The following CD247 variants were observed in gnomAD, a reference collection of about 807,000 sequenced individuals.
CD247 encodes CD247 molecule.
Under a neutral mutation model 30.0 loss-of-function variants are expected in CD247, and 13 were observed. The ratio of observed to expected loss-of-function variants is 0.43; its 90% CI spans 0.28 to 0.69. The LOEUF is 0.69. Ranked by LOEUF, CD247 falls within the 30% of genes least tolerant of loss-of-function variation. CD247 has a pLI of 0.16. For missense variants in CD247, 193 were observed against 212.6 expected, an observed-to-expected ratio of 0.91 and a Z score of 0.57; for synonymous variants, 72 against 80.0, an observed-to-expected ratio of 0.90 and a Z score of 0.53.
intron 1 of CD247, among the ~76,000 whole-genome samples, chr1:167,468,235 GTCC>G (rs1443985700): frequency 2.6e-5 from 4 of 151,974 alleles, no homozygotes; most frequent in African/African-American, 9.7e-5. Context: ...TGTAATAGCT[GTCC>G]TCCTCCCCCA....
chr1:167,484,687 G>C (rs769078620), intron 1 of CD247, among the ~76,000 whole-genome samples: 19 of 152,240 alleles, frequency 1.2e-4, no homozygotes, highest in Non-Finnish European at 2.6e-4. Flanking sequence ...TGAGGTAGGA[G>C]AATCACTTGA....
Position 167,439,335 on chromosome 1 carries a change from C to T in CD247, c.219+9G>A, listed in dbSNP as rs1444139145. ...CCTTTCCGGAGGGTCTACGGCGAGG[C>T]TGACTTACGTTATAGAGCTGGTTCT... is the stretch of plus-strand genomic sequence containing the variant. On this transcript the variant is annotated intron_variant, in intron 3 of 7. Transcript: ENST00000362089. The T allele has an allele frequency of 3.7e-6, 6 of 1,613,542 alleles. No homozygotes were observed. The highest frequency in any genetic ancestry group is 5.1e-6 in the Non-Finnish European group (6 of 1,179,542).
intron 1 of CD247, among the ~76,000 whole-genome samples, chr1:167,450,753 A>T (rs1311200742): frequency 6.6e-6 from 1 of 151,768 alleles, no homozygotes; most frequent in Non-Finnish European, 1.5e-5. Context: ...TCTCTACTAA[A>T]AATACAAAAA....
chr1:167,469,623 A>G (rs1339923402), intron 1 of CD247, among the ~76,000 whole-genome samples: 1 of 151,016 alleles, frequency 6.6e-6, no homozygotes, highest in African/African-American at 2.4e-5. Context: ...TCCCCTCCTC[A>G]CCCCTTTTTT....
At chr1:167,440,568 C>T in intron 2 of CD247, 96 bp downstream of exon 2, 1 of 799,268 alleles carries the variant, frequency 1.3e-6, no homozygotes. Flanking sequence ...GCCCCAGGCA[C>T]CACCCGAGCT....
intron 1 of CD247, among the ~76,000 whole-genome samples, chr1:167,445,767 A>C (rs1239826267): frequency 1.3e-5 from 2 of 152,302 alleles, no homozygotes; most frequent in East Asian, 3.9e-4. Context: ...TGGTCCTGCC[A>C]TACCCTGAGG....
Position 167,437,068 on chromosome 1 carries a change from C to T in CD247, c.300+1502G>A, listed in dbSNP as rs147984539. 2.6e-3 allele frequency among the ~76,000 whole-genome samples: 389 copies of T among 152,180 alleles called. 2 individuals are homozygous for T. The highest frequency in any genetic ancestry group is 4.5e-3 in the Non-Finnish European group (304 of 67,998). On this transcript the variant is annotated intron_variant, in intron 4 of 7. Transcript: ENST00000362089. ...ACTATTAACAATAACCACGGCTGGG[C>T]GCGGGGGCTTACACCTGTGATTCCA...
At chr1:167,434,799 A>C (rs1651449064) in intron 5 of CD247, 1 of 455,994 alleles carries the variant, frequency 2.2e-6, no homozygotes, top group African/African-American at 2.0e-5. Flanking sequence ...ACTTTCTAGA[A>C]GCAGGTGCTG....
chr1:167,496,369 G>A (rs1379696232), intron 1 of CD247, among the ~76,000 whole-genome samples: 1 of 152,178 alleles, frequency 6.6e-6, no homozygotes, highest in Non-Finnish European at 1.5e-5. Context: ...ATGTCTGACT[G>A]CTGCAACAGC....
intron 1 of CD247, among the ~76,000 whole-genome samples, chr1:167,517,182 G>A (rs1051838173): frequency 1.3e-5 from 2 of 152,204 alleles, no homozygotes; most frequent in Admixed American, 1.3e-4. Context: ...TGAGAAAACA[G>A]CTGTGACCTG....
intron 1 of CD247, among the ~76,000 whole-genome samples, chr1:167,497,696 G>T (rs1396993084): frequency 6.6e-6 from 1 of 152,200 alleles, no homozygotes; most frequent in South Asian, 2.1e-4. Flanking sequence ...CTGGGTTACA[G>T]AGCTAGAACC....
At chr1:167,482,883 AG>A (rs1454860699) in intron 1 of CD247, among the ~76,000 whole-genome samples, 1 of 151,844 alleles carries the variant, frequency 6.6e-6, no homozygotes, top group Admixed American at 6.6e-5. Context: ...AAATGTGGGG[AG>A]GGGGAAGGTC....
At chr1:167,497,518 C>A (rs1458168333) in intron 1 of CD247, among the ~76,000 whole-genome samples, 1 of 152,132 alleles carries the variant, frequency 6.6e-6, no homozygotes, top group Non-Finnish European at 1.5e-5. Flanking sequence ...GCAGGGGAGG[C>A]TTTCTTAGTG....
chr1:167,448,236 A>G, intron 1 of CD247: 2 of 400,092 alleles, frequency 5.0e-6, no homozygotes, highest in Non-Finnish European at 6.8e-6. Context: ...CAGCTAGGGA[A>G]ACTGAGGCTC....
chr1:167,455,459 G>C (rs576167528), intron 1 of CD247, among the ~76,000 whole-genome samples: 1 of 152,300 alleles, frequency 6.6e-6, no homozygotes, highest in Non-Finnish European at 1.5e-5. Flanking sequence ...GCCTGGGAAG[G>C]AACCTCCGGC....
intron 1 of CD247, among the ~76,000 whole-genome samples, chr1:167,471,022 T>A (rs1653500808): frequency 6.6e-6 from 1 of 151,860 alleles, no homozygotes; most frequent in South Asian, 2.1e-4. Flanking sequence ...CAGGCGCCCA[T>A]CACCACGCCC....
chr1:167,439,754 G>T, intron 2 of CD247: 1 of 319,910 alleles, frequency 3.1e-6, no homozygotes, highest in Middle Eastern at 1.0e-3. Flanking sequence ...TTCCTCCGGG[G>T]ACTCTGAGGA....
At chr1:167,459,684 C>A (rs1168506670) in intron 1 of CD247, 1 of 152,078 alleles carries the variant, frequency 6.6e-6, no homozygotes, top group African/African-American at 2.4e-5. Context: ...AACAACTGGA[C>A]TCGCTTTAAA....
chr1:167,497,963 C>T (rs1036698486), intron 1 of CD247, among the ~76,000 whole-genome samples: 12 of 152,320 alleles, frequency 7.9e-5, no homozygotes, highest in Middle Eastern at 3.4e-3. Context: ...GGCTTGACCT[C>T]GGACTGTCCT....
Sources: allele counts gnomAD v4.1 joint callset (sites outside exome capture counted in the v4.1 genomes callset), GRCh38; gene constraint gnomAD v4.1.1; transcripts MANE v1.5; gene names NCBI Gene and HGNC (gene_info 2026-07-23, HGNC 2026-07-21).